TRPC7: variants seen among roughly 807,000 people sequenced by gnomAD.
The protein encoded by TRPC7 is transient receptor potential cation channel subfamily C member 7.
A neutral mutation model predicts 90.1 loss-of-function variants in TRPC7; 42 were observed. The ratio of observed to expected loss-of-function variants is 0.47; its 90% confidence interval spans 0.36 to 0.60. The LOEUF (loss-of-function observed/expected upper bound fraction) is 0.60. Ranked by LOEUF, TRPC7 falls within the 20% of genes least tolerant of loss-of-function variation. The pLI is 0.00. For missense variants in TRPC7, 955 were observed against 1,112.3 expected (o/e 0.86, Z 2.01); for synonymous variants, 451 against 436.3 (o/e 1.03, Z -0.42).
At chr5:136,323,952 ATGTACTTCTCTTATTTAGG>A (rs1386892424) in intron 2 of TRPC7, among the ~76,000 whole-genome samples, 5 of 152,198 alleles carry the variant, frequency 3.3e-5, no homozygotes, top group Non-Finnish European at 5.9e-5. Flanking sequence ...CAAAGATAAT[ATGTACTTCTCTTATTTAGG>A]TGTTCTTTGA....
intron 3 of TRPC7, among the ~76,000 whole-genome samples, chr5:136,311,874 CA>C (rs1179088267): frequency 2.6e-5 from 4 of 152,224 alleles, no homozygotes; most frequent in Non-Finnish European, 5.9e-5. Context: ...GTAATGTAGG[CA>C]TTGACTGTGA....
chr5:136,309,191 T>C (rs1561713180), intron 3 of TRPC7, among the ~76,000 whole-genome samples: 2 of 152,356 alleles, frequency 1.3e-5, no homozygotes, highest in East Asian at 3.9e-4. Flanking sequence ...TCCCAGCCCA[T>C]GTCTATGAAA....
chr5:136,321,808 G>A (rs1019778953), intron 2 of TRPC7, among the ~76,000 whole-genome samples: 4 of 152,104 alleles, frequency 2.6e-5, no homozygotes, highest in African/African-American at 9.7e-5. Context: ...TACTATATAA[G>A]CTTTTGAGAC....
intron 3 of TRPC7, among the ~76,000 whole-genome samples, chr5:136,289,052 C>T (rs920237134): frequency 1.3e-5 from 2 of 152,182 alleles, no homozygotes; most frequent in African/African-American, 4.8e-5. Context: ...TTTAACATCT[C>T]CTTTTCACCT....
At chr5:136,278,746 C>A (rs989115578) in intron 3 of TRPC7, among the ~76,000 whole-genome samples, 1 of 152,144 alleles carries the variant, frequency 6.6e-6, no homozygotes, top group Non-Finnish European at 1.5e-5. Context: ...ATTTCATATG[C>A]CCTGCCTAGG....
chr5:136,295,998 C>T (rs55633021), intron 3 of TRPC7, among the ~76,000 whole-genome samples: 18,344 of 152,102 alleles, frequency 0.12, 1,145 homozygotes, highest in African/African-American at 0.14. Context: ...ACAGTCCTAA[C>T]ATATCATTAA....
At chr5:136,308,535 C>T (rs1301274119) in intron 3 of TRPC7, among the ~76,000 whole-genome samples, 2 of 152,254 alleles carry the variant, frequency 1.3e-5, no homozygotes, top group Non-Finnish European at 2.9e-5. Flanking sequence ...GCCTCTCAGA[C>T]ATCCTCTAGA....
chr5:136,287,225 G>A (rs1757749842), intron 3 of TRPC7, among the ~76,000 whole-genome samples: 2 of 152,084 alleles, frequency 1.3e-5, no homozygotes, highest in Admixed American at 6.5e-5. Flanking sequence ...CACCTCTTTA[G>A]GAGGTGGCCA....
chr5:136,307,288 C>T lies in TRPC7; in HGVS notation c.963+8309G>A, dbSNP rs981319380. The stretch of plus-strand genomic sequence containing the variant: ...ACTCTTTGATTGACAACTCCCCATT[C>T]CCTCCCTCCCCACCTCCTCAGCCCC... On this transcript the variant is annotated intron_variant, in intron 3 of 11. Coordinates refer to ENST00000513104, the MANE Select transcript of TRPC7 (RefSeq NM_020389.3). 4.6e-5 allele frequency among the ~76,000 whole-genome samples: 7 copies of T among 152,070 alleles called. No homozygotes were observed. In the South Asian group the frequency reaches 1.5e-3, roughly 32 times the overall value.
intron 3 of TRPC7, among the ~76,000 whole-genome samples, chr5:136,283,932 C>T (rs1455230653): frequency 1.3e-5 from 2 of 152,150 alleles, no homozygotes; most frequent in Non-Finnish European, 2.9e-5. Flanking sequence ...ATGTAGAGTG[C>T]ACAGAGCACT....
chr5:136,365,304 G>A lies in TRPC7; in HGVS notation c.-50C>T. The stretch of plus-strand genomic sequence containing the variant: ...TCCTCCTCTAGATGACCGGAATCCG[G>A]TGTTGAGTCGCCAGAAGCTGGCTCC... On this transcript the variant is annotated 5_prime_UTR_variant, in exon 1 of 12. Coordinates refer to ENST00000513104, the MANE Select transcript of TRPC7 (RefSeq NM_020389.3). 6.5e-7 allele frequency: 1 copy of A among 1,536,230 alleles called. No homozygotes were observed. Among genetic ancestry groups the A allele is most frequent in the Non-Finnish European group, 8.7e-7 (1 of 1,146,048 alleles).
chr5:136,329,095 C>CTG (rs1759423838), intron 2 of TRPC7, among the ~76,000 whole-genome samples: 1 of 152,188 alleles, frequency 6.6e-6, no homozygotes, highest in South Asian at 2.1e-4. Flanking sequence ...TTGTCAGCTA[C>CTG]TGACATTGTG....
At chr5:136,350,055 C>T (rs184133792) in intron 2 of TRPC7, among the ~76,000 whole-genome samples, 164 of 152,264 alleles carry the variant, frequency 1.1e-3, no homozygotes, top group African/African-American at 3.8e-3. Flanking sequence ...TCCCATATAG[C>T]CCAGGTGTGT....
At chr5:136,287,422 C>T (rs556810263) in intron 3 of TRPC7, among the ~76,000 whole-genome samples, 15 of 151,786 alleles carry the variant, frequency 9.9e-5, no homozygotes, top group Admixed American at 4.6e-4. Context: ...GAATGTCTTC[C>T]GTGGGGTGGC....
chr5:136,233,706 A>G (rs1340348393), intron 7 of TRPC7, among the ~76,000 whole-genome samples: 1 of 152,240 alleles, frequency 6.6e-6, no homozygotes, highest in Non-Finnish European at 1.5e-5. Context: ...GAAAGGCTTT[A>G]CCCAAATTCA....
chr5:136,307,107 T>C (rs1758663551), intron 3 of TRPC7, among the ~76,000 whole-genome samples: 1 of 152,260 alleles, frequency 6.6e-6, no homozygotes, highest in African/African-American at 2.4e-5. Context: ...TTAATTAACA[T>C]ATTTATCACC....
intron 3 of TRPC7, among the ~76,000 whole-genome samples, chr5:136,301,064 T>C (rs900956392): frequency 1.2e-4 from 19 of 152,172 alleles, no homozygotes; most frequent in Admixed American, 1.2e-3. Flanking sequence ...AGTTTCACTC[T>C]TGTTGCCCAG....
intron 7 of TRPC7, among the ~76,000 whole-genome samples, chr5:136,240,141 C>A (rs11748198): frequency 0.12 from 18,272 of 152,232 alleles, 1,186 homozygotes; most frequent in Middle Eastern, 0.21. Flanking sequence ...TACCCAAATG[C>A]CTTCCTACGT....
At chr5:136,350,176 A>T (rs1227309064) in intron 2 of TRPC7, among the ~76,000 whole-genome samples, 1 of 152,176 alleles carries the variant, frequency 6.6e-6, no homozygotes, top group African/African-American at 2.4e-5. Context: ...GTAACACATG[A>T]CTGTATCCTA....
Sources: gnomAD v4.1 joint callset for allele counts (sites outside exome capture counted in the v4.1 genomes callset) on GRCh38, gnomAD v4.1.1 for gene constraint, MANE v1.5 for transcripts, NCBI Gene and HGNC (gene_info 2026-07-23, HGNC 2026-07-21) for gene names.